Variants in RNF220 observed in about 807,000 individuals in gnomAD.
RNF220 encodes the protein ring finger protein 220.
RNF220 carries 7 observed loss-of-function variants against 67.1 expected under a neutral mutation model. That is an observed-to-expected ratio of 0.10 (90% CI 0.06 to 0.20). RNF220 has a LOEUF of 0.20. Ranked by LOEUF, RNF220 falls within the 10% of genes least tolerant of loss-of-function variation. The probability of loss-of-function intolerance (pLI) is 1.00; values close to 1 mark genes in which losing one functional copy is unlikely to be tolerated. For synonymous variants in RNF220, 270 were observed against 283.2 expected, an observed-to-expected ratio of 0.95 and a Z score of 0.47; for missense variants, 565 against 740.3, an observed-to-expected ratio of 0.76 and a Z score of 2.75.
intron 2 of RNF220, among the ~76,000 whole-genome samples, chr1:44,549,328 A>ATGCC (rs1662431275): frequency 6.6e-6 from 1 of 152,234 alleles, no homozygotes; most frequent in Non-Finnish European, 1.5e-5. Context: ...TCTCTGAACA[A>ATGCC]TTGCTAAGTG....
chr1:44,507,882 C>A (rs1293093363), intron 2 of RNF220, among the ~76,000 whole-genome samples: 1 of 152,102 alleles, frequency 6.6e-6, no homozygotes. Context: ...CCTCACCACA[C>A]TCCCCCTTCT....
At chr1:44,496,247 C>T (rs1657338388) in intron 2 of RNF220, among the ~76,000 whole-genome samples, 1 of 152,030 alleles carries the variant, frequency 6.6e-6, no homozygotes, top group Non-Finnish European at 1.5e-5. Context: ...TTTCAGGTGC[C>T]TATGGGAAAT....
chr1:44,611,704 A>T lies in RNF220; in HGVS notation c.626-2461A>T, dbSNP rs980427088. ...CTCCTCATAGTTCTCACCAGCACTGACTGCAGTCACGGGCTCTCTTTTTGC... is the reference window on the plus strand; with the variant it reads ...CTCCTCATAGTTCTCACCAGCACTGTCTGCAGTCACGGGCTCTCTTTTTGC... On this transcript the variant is annotated intron_variant, in intron 2 of 14. Coordinates refer to ENST00000361799, the MANE Select transcript of RNF220 (RefSeq NM_018150.4). Among the ~76,000 whole-genome samples the T allele has an allele frequency of 1.1e-4, 17 of 151,886 alleles. 1 individual carries two copies. Among genetic ancestry groups the T allele is most frequent in the Admixed American group, 4.6e-4 (7 of 15,260 alleles).
intron 2 of RNF220, among the ~76,000 whole-genome samples, chr1:44,555,279 G>A (rs1662981138): frequency 6.6e-6 from 1 of 152,068 alleles, no homozygotes; most frequent in African/African-American, 2.4e-5. Flanking sequence ...TGTTGTTCAG[G>A]AATGTCTCGA....
intron 2 of RNF220, among the ~76,000 whole-genome samples, chr1:44,608,185 G>C (rs1444767500): frequency 6.6e-6 from 1 of 151,908 alleles, no homozygotes; most frequent in South Asian, 2.1e-4. Flanking sequence ...TCGGCCTCTC[G>C]AAGTGCTAGG....
chr1:44,442,514 C>CTTTTTTTT (rs10636964), intron 2 of RNF220, among the ~76,000 whole-genome samples: 2 of 127,790 alleles, frequency 1.6e-5, no homozygotes, highest in Non-Finnish European at 3.2e-5. Flanking sequence ...CACTCACACT[C>CTTTTTTTT]TTTTTTTTTT....
At chr1:44,642,088 T>A (rs1573174826) in intron 8 of RNF220, among the ~76,000 whole-genome samples, 1 of 152,274 alleles carries the variant, frequency 6.6e-6, no homozygotes. Context: ...CCAGCTCTGC[T>A]GGGTGATGCT....
intron 2 of RNF220, among the ~76,000 whole-genome samples, chr1:44,471,942 A>G (rs552892605): frequency 3.9e-5 from 6 of 152,242 alleles, no homozygotes; most frequent in Non-Finnish European, 5.9e-5. Flanking sequence ...CCTATTCTAG[A>G]CATTGCACAT....
In RNF220 at chr1:44,650,842, C is replaced by T. The variant is rs987165410; in HGVS notation, c.*67C>T. The T allele has an allele frequency of 2.1e-5, 31 of 1,448,012 alleles. No individual in the cohort carries two copies. The highest frequency in any genetic ancestry group is 4.2e-5 in the African/African-American group (3 of 71,772). 89.7% of individuals were successfully genotyped at this position (1,448,012 alleles called of 1,614,324 possible). On this transcript the variant is annotated 3_prime_UTR_variant, in exon 15 of 15. Transcript: ENST00000361799. The surrounding 1 kb of genome is among the most constrained non-coding windows in gnomAD (Gnocchi z 4.3). ...TGCCCCCAGCCTCTGTGACAGTGAC[C>T]GTCTCCCTTTGTACATACTTGCACA...
intron 2 of RNF220, among the ~76,000 whole-genome samples, chr1:44,488,727 C>CTTTTTTTTTTTTTTTT: frequency 9.7e-6 from 1 of 102,566 alleles, no homozygotes; most frequent in Non-Finnish European, 1.9e-5. Context: ...TTTCTTTTTT[C>CTTTTTTTTTTTTTTTT]TTTTTTTTTT....
chr1:44,612,659 A>G (rs921431451), intron 2 of RNF220, among the ~76,000 whole-genome samples: 1 of 152,224 alleles, frequency 6.6e-6, no homozygotes, highest in Non-Finnish European at 1.5e-5. Context: ...ATCCAGGTAA[A>G]TTTAGAAAAT....
intron 2 of RNF220, among the ~76,000 whole-genome samples, chr1:44,544,345 G>C (rs1297865763): frequency 1.3e-5 from 2 of 152,208 alleles, no homozygotes; most frequent in Admixed American, 6.5e-5. Context: ...GGATCACCCT[G>C]TTCCTCTTGT....
chr1:44,557,152 A>ATAATATATATACATATGTATATAT (rs1663166924), intron 2 of RNF220, among the ~76,000 whole-genome samples: 8 of 146,530 alleles, frequency 5.5e-5, no homozygotes, highest in Middle Eastern at 3.6e-3. Flanking sequence ...GTATGTATAT[A>ATAATATATATACATATGTATATAT]TAATATATAT....
At chr1:44,416,528 A>G (rs1468671074) in intron 2 of RNF220, among the ~76,000 whole-genome samples, 1 of 152,204 alleles carries the variant, frequency 6.6e-6, no homozygotes, top group African/African-American at 2.4e-5. Context: ...CCCTGTGCCC[A>G]GATTCCTGCC....
rs75835175 is a variant in RNF220 at position 44,546,054 on chromosome 1, T to C, written c.626-68111T>C. Among the ~76,000 whole-genome samples, 810 of 152,250 alleles carry C rather than the reference T, an allele frequency of 5.3e-3. 8 individuals carry two copies. Among genetic ancestry groups the C allele is most frequent in the African/African-American group, 0.019 (773 of 41,542 alleles). ...AAAGGGGCTAGTTCTCTGAAGATCA[T>C]CACCAGACCATAGAACCAAAGTGGG... On this transcript the variant is annotated intron_variant, in intron 2 of 14. Transcript: ENST00000361799.
intron 2 of RNF220, chr1:44,423,894 A>G: frequency 4.1e-6 from 4 of 985,418 alleles, no homozygotes; most frequent in Non-Finnish European, 4.8e-6. Context: ...AAAGAAAGCG[A>G]AGCAAACCGT....
chr1:44,649,968 A>G lies in RNF220; in HGVS notation c.1629+11A>G. ...TGGCTGCGGACCCTGGTGAGGTGGC[A>G]TGGGGGTCGGGGAATGGGAGGCCGC... On this transcript the variant is annotated intron_variant, in intron 14 of 14. Coordinates refer to ENST00000361799, the MANE Select transcript of RNF220 (RefSeq NM_018150.4). This position sits in a 1 kb window ranked among gnomAD's most constrained non-coding sequence, Gnocchi z 5.9. 1 of 1,612,824 alleles carries G rather than the reference A, an allele frequency of 6.2e-7. No homozygotes were observed. Among genetic ancestry groups the G allele is most frequent in the Non-Finnish European group, 8.5e-7 (1 of 1,179,752 alleles).
intron 2 of RNF220, among the ~76,000 whole-genome samples, chr1:44,561,539 A>T (rs1663575586): frequency 6.6e-6 from 1 of 152,148 alleles, no homozygotes; most frequent in African/African-American, 2.4e-5. Context: ...AGGGAGAAGG[A>T]ATTTCTAGGC....
chr1:44,595,224 G>A (rs1289353861), intron 2 of RNF220, among the ~76,000 whole-genome samples: 2 of 152,220 alleles, frequency 1.3e-5, no homozygotes, highest in Non-Finnish European at 2.9e-5. Flanking sequence ...AAGGCCCGAG[G>A]TAGGGGTGGG....
Sources: gnomAD v4.1 joint callset for allele counts (sites outside exome capture counted in the v4.1 genomes callset) on GRCh38, gnomAD v4.1.1 for gene constraint, Gnocchi (gnomAD v3.1) non-coding constraint, MANE v1.5 for transcripts, NCBI Gene and HGNC (gene_info 2026-07-23, HGNC 2026-07-21) for gene names.